The following FRMPD2 variants were observed in gnomAD, a reference collection of about 807,000 sequenced individuals.
The protein encoded by FRMPD2 is FERM and PDZ domain containing 2, also known as FERM and PDZ domain-containing protein 2.
FRMPD2 carries 96 observed loss-of-function variants against 140.1 expected under a neutral mutation model. The ratio of observed to expected loss-of-function variants is 0.69; its 90% confidence interval spans 0.58 to 0.81. The LOEUF is 0.81. FRMPD2 is among the 40% of genes least tolerant of loss of function. The pLI, the probability that FRMPD2 is intolerant of heterozygous loss-of-function variation, is 0.00. For synonymous variants in FRMPD2, 449 were observed against 547.6 expected (o/e 0.82, Z 2.52); for missense variants, 1,240 against 1,447.4 (o/e 0.86, Z 2.32).
chr10:48,185,902 G>C (rs1035803990), intron 17 of FRMPD2, among the ~76,000 whole-genome samples: 1 of 152,262 alleles, frequency 6.6e-6, no homozygotes, highest in East Asian at 1.9e-4. Context: ...GGCAAGAACA[G>C]GATGGGCTAT....
At chr10:48,227,559 GT>G (rs913530563) in intron 10 of FRMPD2, among the ~76,000 whole-genome samples, 1 of 152,154 alleles carries the variant, frequency 6.6e-6, no homozygotes, top group African/African-American at 2.4e-5. Flanking sequence ...CTCGAGGGGG[GT>G]ACTGCATTTT....
At chr10:48,242,558 A>C (rs1191176525) in intron 4 of FRMPD2, among the ~76,000 whole-genome samples, 2 of 152,270 alleles carry the variant, frequency 1.3e-5, no homozygotes, top group African/African-American at 4.8e-5. Flanking sequence ...CTCTGCAGCA[A>C]TTCTGTGTTG....
chr10:48,184,471 C>A, intron 20 of FRMPD2, 95 bp downstream of exon 20: 4 of 752,778 alleles, frequency 5.3e-6, no homozygotes, highest in South Asian at 1.7e-5. Flanking sequence ...ATATAGAAGA[C>A]CTACGTGGAC....
intron 14 of FRMPD2, 75 bp downstream of exon 14, chr10:48,206,673 C>T (rs1839205659): frequency 2.5e-6 from 3 of 1,215,804 alleles, no homozygotes; most frequent in Admixed American, 3.5e-5. Flanking sequence ...GACCCATGAC[C>T]CACTGCTCCT....
In FRMPD2 at chr10:48,249,150, C is replaced by A; in HGVS notation, c.180G>T (p.Trp60Cys). 1 of 1,614,076 alleles carries A rather than the reference C, an allele frequency of 6.2e-7. No individual in the cohort carries two copies. The highest frequency in any genetic ancestry group is 8.5e-7 in the Non-Finnish European group (1 of 1,180,002). Residue 60 changes from tryptophan to cysteine, a missense_variant, in exon 3 of 29, where the codon TGG becomes TGT. By Grantham distance (215) the Trp-to-Cys change is radical (BLOSUM62 -2). Coordinates refer to ENST00000374201, the MANE Select transcript of FRMPD2 (RefSeq NM_001018071.4). ...TTCCAGCTGCAGAAAGCAGGGCTGA[C>A]CAGGGGCAAACCACATAGTCCGAGG... ...NDSSDYVVCP[W>C]SALLSAAGSL... is the part of the protein sequence containing the mutation.
intron 10 of FRMPD2, among the ~76,000 whole-genome samples, chr10:48,226,028 C>G (rs956956688): frequency 6.6e-6 from 1 of 152,156 alleles, no homozygotes; most frequent in African/African-American, 2.4e-5. Context: ...AAATTGGCAT[C>G]ACATAGACTT....
chr10:48,211,984 C>T lies in FRMPD2; in HGVS notation c.1581G>A (p.Trp527Ter). Reference sequence around the variant, plus strand: ...AGAACTTCAGCTCAGCATCCTCTCCCCACAGTGCAGAGCTGAGCCGGTGCA... The same window carrying T: ...AGAACTTCAGCTCAGCATCCTCTCCTCACAGTGCAGAGCTGAGCCGGTGCA... ...SEMHRLSSAL[W>*]GEDAELKFLR... is the part of the protein sequence containing the mutation. Residue 527 changes from tryptophan (W) to a stop codon, truncating the protein, a stop_gained, in exon 13 of 29, where the codon TGG (tryptophan) becomes TGA (stop). Coordinates refer to ENST00000374201, the MANE Select transcript of FRMPD2 (RefSeq NM_001018071.4). LOFTEE classifies it high-confidence loss of function. 6.2e-7 allele frequency: 1 copy of T among 1,613,968 alleles called. No homozygotes were observed. The highest frequency in any genetic ancestry group is 8.5e-7 in the Non-Finnish European group (1 of 1,179,960).
At chr10:48,259,347 C>T (rs1840539731) in intron 1 of FRMPD2, among the ~76,000 whole-genome samples, 1 of 152,198 alleles carries the variant, frequency 6.6e-6, no homozygotes, top group South Asian at 2.1e-4. Flanking sequence ...AAAAGCCACA[C>T]AGCTAGTAAA....
chr10:48,213,643 T>TAA (rs562654154), intron 12 of FRMPD2, among the ~76,000 whole-genome samples: 27 of 148,596 alleles, frequency 1.8e-4, no homozygotes, highest in African/African-American at 6.6e-4. Context: ...TGTCCAGTGC[T>TAA]AAAAAAAAAA....
intron 28 of FRMPD2, among the ~76,000 whole-genome samples, chr10:48,160,349 A>G (rs1214971072): frequency 6.6e-6 from 1 of 151,702 alleles, no homozygotes; most frequent in African/African-American, 2.4e-5. Context: ...GCTGGCAGCC[A>G]TCTGGCTGTA....
intron 1 of FRMPD2, among the ~76,000 whole-genome samples, chr10:48,260,877 A>C (rs1840577379): frequency 1.5e-5 from 1 of 65,068 alleles, no homozygotes; most frequent in Admixed American, 2.0e-4. Flanking sequence ...TAATATGCTA[A>C]GTGTTCAAAT....
At chr10:48,259,290 C>T (rs926621387) in intron 1 of FRMPD2, among the ~76,000 whole-genome samples, 2 of 152,042 alleles carry the variant, frequency 1.3e-5, no homozygotes, top group African/African-American at 4.8e-5. Flanking sequence ...AAAAACGATC[C>T]CCACTTCCAG....
intron 6 of FRMPD2, 88 bp from the exon 7 acceptor site, chr10:48,239,780 T>C: frequency 3.4e-6 from 3 of 892,494 alleles, no homozygotes; most frequent in Non-Finnish European, 5.6e-6. Context: ...AATGGCATCA[T>C]GACTTACTAG....
Position 48,166,260 on chromosome 10 carries a change from A to C in FRMPD2, c.3537+2335T>G, listed in dbSNP as rs1253916608. On this transcript the variant is annotated intron_variant, in intron 27 of 28. Coordinates refer to ENST00000374201, the MANE Select transcript of FRMPD2 (RefSeq NM_001018071.4). ...CAAAGCTTGATTGCTCTCTTTCCTC[A>C]TGCCTGTTTCTAATCCCAAAGTAGT... 4.2e-5 allele frequency among the ~76,000 whole-genome samples: 5 copies of C among 117,816 alleles called. 1 individual carries two copies. The allele number at this position is 117,816 out of a possible 152,430, so 77.3% of individuals were successfully genotyped here.
chr10:48,230,625 G>T (rs1011726221), intron 10 of FRMPD2, among the ~76,000 whole-genome samples: 1 of 152,120 alleles, frequency 6.6e-6, no homozygotes, highest in Non-Finnish European at 1.5e-5. Context: ...TAAAAATGGG[G>T]GTAACTGTAG....
intron 10 of FRMPD2, among the ~76,000 whole-genome samples, chr10:48,229,031 C>T (rs1221362272): frequency 6.6e-6 from 1 of 151,932 alleles, no homozygotes; most frequent in Non-Finnish European, 1.5e-5. Flanking sequence ...GCCTTAATAT[C>T]AATAGCATAC....
At chr10:48,264,855 C>G (rs1274728851) in intron 1 of FRMPD2, among the ~76,000 whole-genome samples, 1 of 151,956 alleles carries the variant, frequency 6.6e-6, no homozygotes, top group Non-Finnish European at 1.5e-5. Context: ...CGAAGAGAAA[C>G]AAAGTTGTAG....
At chr10:48,218,328 T>C (rs1839500946) in intron 12 of FRMPD2, among the ~76,000 whole-genome samples, 1 of 152,204 alleles carries the variant, frequency 6.6e-6, no homozygotes, top group African/African-American at 2.4e-5. Flanking sequence ...CCCGATGACG[T>C]AGCAGACTAG....
At chr10:48,214,961 TAAAAACCCCCG>T (rs1411560990) in intron 12 of FRMPD2, among the ~76,000 whole-genome samples, 1 of 152,178 alleles carries the variant, frequency 6.6e-6, no homozygotes, top group Admixed American at 6.5e-5. Flanking sequence ...CACAACTGTG[TAAAAACCCCCG>T]CATGTGATCA....
Sources: allele counts gnomAD v4.1 joint callset (sites outside exome capture counted in the v4.1 genomes callset), GRCh38; gene constraint gnomAD v4.1.1; transcripts MANE v1.5; gene names NCBI Gene and HGNC (gene_info 2026-07-23, HGNC 2026-07-21).